GOLGA3: variants seen among roughly 807,000 people sequenced by gnomAD.
GOLGA3 encodes the protein golgin subfamily A member 3.
In GOLGA3, 75 loss-of-function variants were observed where a neutral mutation model predicts 169.4. The ratio of observed to expected loss-of-function variants is 0.44; its 90% CI spans 0.37 to 0.54. The LOEUF (loss-of-function observed/expected upper bound fraction) is 0.54, where lower values mean the gene tolerates loss of function less well. Among genes scored for constraint, GOLGA3 ranks in the 20% least tolerant of loss-of-function variants. The probability of loss-of-function intolerance (pLI) is 0.00; values close to 1 mark genes in which losing one functional copy is unlikely to be tolerated. For missense variants in GOLGA3, 1,899 were observed against 1,930.0 expected (o/e 0.98, Z 0.30); for synonymous variants, 824 against 822.4 (o/e 1.00, Z -0.03).
Position 132,782,269 on chromosome 12 carries a change from T to C in GOLGA3, c.3465+27A>G, listed in dbSNP as rs760966919. On this transcript the variant is annotated intron_variant, in intron 17 of 23. Coordinates refer to ENST00000450791, the MANE Select transcript of GOLGA3 (RefSeq NM_001389683.1). ...GCCCCACCAACTCTCACACCGTTGC[T>C]GGCGTGAGTTTGACGAGTTTGAATA... 114 of 1,568,308 alleles carry C rather than the reference T, an allele frequency of 7.3e-5. 1 individual carries two copies. In the Middle Eastern group the frequency reaches 5.2e-3, roughly 71 times the overall value.
At position 132,782,454 on chromosome 12, in the gene GOLGA3, G is replaced by A. The variant is rs1377285207; in HGVS notation, c.3307C>T (p.Leu1103Phe). The change falls in exon 17 of 24, where the codon CTT (leucine) becomes TTT (phenylalanine). Residue 1103 changes from leucine to phenylalanine, a missense_variant. Leu to Phe is a conservative substitution (Grantham distance 22). Transcript: ENST00000450791. ...SRGFRKKIKR[L>F]EESNKKLALE... The stretch of plus-strand genomic sequence containing the variant: ...GCCAACTTCTTGTTTGACTCCTCAA[G>A]GCGTTTTATCTTCTTCCTAAAGCCT... The A allele has an allele frequency of 6.2e-7, 1 of 1,614,004 alleles. No homozygotes were observed. The highest frequency in any genetic ancestry group is 1.3e-5 in the African/African-American group (1 of 74,924).
chr12:132,820,487 C>G (rs1206091267), intron 2 of GOLGA3, among the ~76,000 whole-genome samples: 1 of 152,188 alleles, frequency 6.6e-6, no homozygotes, highest in Non-Finnish European at 1.5e-5. Context: ...TCTTGGGCCT[C>G]TAAGTTGTTA....
rs552685526 is a variant in GOLGA3 at position 132,779,393 on chromosome 12, A to C, written c.3582+1405T>G. On this transcript the variant is annotated intron_variant, in intron 18 of 23. Coordinates refer to ENST00000450791, the MANE Select transcript of GOLGA3 (RefSeq NM_001389683.1). ...CGCGCCCAGCCACCTGCCACATCTTAAAATTAATTCTATTTATAAAGAAAC... is the reference window on the plus strand; with the variant it reads ...CGCGCCCAGCCACCTGCCACATCTTCAAATTAATTCTATTTATAAAGAAAC... Among the ~76,000 whole-genome samples, 18 of 152,328 alleles carry C rather than the reference A, an allele frequency of 1.2e-4. No homozygotes were observed. The East Asian group carries it at 3.5e-3, about 29-fold the overall frequency.
At chr12:132,785,184 G>A (rs371559697) in intron 15 of GOLGA3, among the ~76,000 whole-genome samples, 5 of 152,208 alleles carry the variant, frequency 3.3e-5, no homozygotes, top group East Asian at 1.9e-4. Flanking sequence ...ACAGCGTGGC[G>A]AGGGGCCAGC....
In GOLGA3 at chr12:132,782,415, G is replaced by T. The variant is rs771300671; in HGVS notation, c.3346C>A (p.His1116Asn). The T allele has an allele frequency of 1.1e-5, 18 of 1,613,836 alleles. No homozygotes were observed. Among genetic ancestry groups the T allele is most frequent in the Non-Finnish European group, 1.5e-5 (18 of 1,179,804 alleles). The change falls in exon 17 of 24, where the codon CAC becomes AAC. Residue 1116 changes from histidine (H) to asparagine (N), a missense_variant. By Grantham distance (68) the His-to-Asn change is moderately conservative (BLOSUM62 1). Transcript: ENST00000450791. ...SNKKLALELEHEKGKLTGLGQ... is the reference protein window; with the variant it reads ...SNKKLALELENEKGKLTGLGQ... ...AGGCCCGTAAGCTTCCCTTTCTCGT[G>T]CTCTAATTCAAGAGCCAACTTCTTG...
At chr12:132,785,899 T>C (rs541124636) in intron 15 of GOLGA3, among the ~76,000 whole-genome samples, 10 of 152,210 alleles carry the variant, frequency 6.6e-5, no homozygotes, top group African/African-American at 1.2e-4. Flanking sequence ...CACCGCAGCA[T>C]GGCTACCTCT....
chr12:132,784,847 C>T (rs2045815209), intron 15 of GOLGA3, among the ~76,000 whole-genome samples: 1 of 151,650 alleles, frequency 6.6e-6, no homozygotes, highest in African/African-American at 2.4e-5. Context: ...CACACATATG[C>T]TCACATCCCA....
intron 15 of GOLGA3, among the ~76,000 whole-genome samples, chr12:132,786,122 A>G (rs2045883246): frequency 6.6e-6 from 1 of 152,248 alleles, no homozygotes; most frequent in Admixed American, 6.5e-5. Context: ...TGAACGCCAC[A>G]GGCCACAGGC....
At chr12:132,785,914 G>A (rs1278254367) in intron 15 of GOLGA3, among the ~76,000 whole-genome samples, 4 of 152,150 alleles carry the variant, frequency 2.6e-5, no homozygotes, top group African/African-American at 7.2e-5. Flanking sequence ...ACCTCTAAAC[G>A]CTCCCTGAAC....
At position 132,786,929 on chromosome 12, in the gene GOLGA3, G is replaced by A; in HGVS notation, c.2812-142C>T. On this transcript the variant is annotated intron_variant, in intron 13 of 23. Transcript: ENST00000450791. Reference sequence around the variant, plus strand: ...TTGGGCCTTGAGAAAAATCCTGAGAGAGACGTCTGCCTTCTTACAAACCAC... The same window carrying A: ...TTGGGCCTTGAGAAAAATCCTGAGAAAGACGTCTGCCTTCTTACAAACCAC... 6.2e-6 allele frequency: 4 copies of A among 640,988 alleles called. No individual in the cohort carries two copies. The East Asian group carries it at 1.0e-4, about 17-fold the overall frequency. The allele number at this position is 640,988 out of a possible 1,614,324, so 39.7% of individuals were successfully genotyped here.
rs896171995 is a variant in GOLGA3, at chr12:132,771,177, A to G, written c.*1928T>C. On this transcript the variant is annotated 3_prime_UTR_variant, in exon 24 of 24. Transcript: ENST00000450791. Reference sequence around the variant, plus strand: ...GCTAGAGAATATTTTTTAAATACCAAACATCTTTGTGGTTAATGCTACCTT... The same window carrying G: ...GCTAGAGAATATTTTTTAAATACCAGACATCTTTGTGGTTAATGCTACCTT... The G allele has an allele frequency of 3.3e-5, 5 of 152,638 alleles. No homozygotes were observed. Among genetic ancestry groups the G allele is most frequent in the Admixed American group, 2.6e-4 (4 of 15,272 alleles). 9.5% of individuals were successfully genotyped at this position (152,638 alleles called of 1,614,324 possible).
chr12:132,818,081 ACCTCCACGCTCTAAGGTGAACCCCC>A lies in GOLGA3; in HGVS notation c.134-1294_134-1270del, dbSNP rs1422742991. On this transcript the variant is annotated intron_variant, in intron 2 of 23. Transcript: ENST00000450791. ...GCTCTAACGTGAACCCGCCCTCCAC[ACCTCCACGCTCTAAGGTGAACCCCC>A]CCTCCACTCCTCCATGCTCTAAGGT... 4.2e-4 allele frequency among the ~76,000 whole-genome samples: 49 copies of A among 117,236 alleles called. 1 individual carries two copies. The highest frequency in any genetic ancestry group is 1.6e-3 in the African/African-American group (47 of 29,362). 76.9% of individuals were successfully genotyped at this position (117,236 alleles called of 152,430 possible). A position where few individuals can be genotyped will look rare whatever the true frequency, so the allele number is the denominator to read the frequency against.
Position 132,822,122 on chromosome 12 carries a change from C to T in GOLGA3, c.7G>A (p.Gly3Ser), listed in dbSNP as rs567554430. Residue 3 changes from glycine (G) to serine (S), a missense_variant, in exon 2 of 24, where the codon GGC (glycine) becomes AGC (serine). By Grantham distance (56) the Gly-to-Ser change is moderately conservative. Transcript: ENST00000450791. Reference protein sequence around the residue: MDGASAEQDGLQE... With the variant: MDSASAEQDGLQE... ...AGGCCATCTTGCTCGGCCGACGCGC[C>T]GTCCATGGTCAGGACGACACCAGCT... 28 of 1,604,456 alleles carry T rather than the reference C, an allele frequency of 1.7e-5. 1 individual carries two copies. In the South Asian group the frequency reaches 2.5e-4, roughly 15 times the overall value.
rs543390783 is a variant in GOLGA3, at chr12:132,769,551, C to G, written c.*3554G>C. 2.6e-5 allele frequency: 4 copies of G among 152,204 alleles called. No homozygotes were observed. The highest frequency in any genetic ancestry group is 9.7e-5 in the African/African-American group (4 of 41,446). 9.4% of individuals were successfully genotyped at this position (152,204 alleles called of 1,614,324 possible). A position where few individuals can be genotyped will look rare whatever the true frequency, so the allele number is the denominator to read the frequency against. Reference sequence around the variant, plus strand: ...CAGAGAGTGGGAACGGGTGTGAGTCCGTAAGACCCGTAGCATCAATCTCAC... The same window carrying G: ...CAGAGAGTGGGAACGGGTGTGAGTCGGTAAGACCCGTAGCATCAATCTCAC... On this transcript the variant is annotated 3_prime_UTR_variant, in exon 24 of 24. Transcript: ENST00000450791.
chr12:132,821,936 C>CATCCTCCCTCAACACCAG, intron 2 of GOLGA3, 60 bp downstream of exon 2: 1 of 1,088,062 alleles, frequency 9.2e-7, no homozygotes. Flanking sequence ...CTCAACACCA[C>CATCCTCCCTCAACACCAG]GTCCTCCCTC....
intron 16 of GOLGA3, among the ~76,000 whole-genome samples, chr12:132,783,032 C>T (rs1004008243): frequency 6.6e-6 from 1 of 152,130 alleles, no homozygotes; most frequent in African/African-American, 2.4e-5. Context: ...CCTGTCTCTA[C>T]CAAAACTACA....
rs767388015 is a variant in GOLGA3 at position 132,789,332 on chromosome 12, G to C, written c.2548-42C>G. ...CTGTGAGCGGACGCTGGGCGGCGGGGCGTGGGGGGCGTACCTGGGGGTCAA... is the reference window on the plus strand; with the variant it reads ...CTGTGAGCGGACGCTGGGCGGCGGGCCGTGGGGGGCGTACCTGGGGGTCAA... On this transcript the variant is annotated intron_variant, in intron 12 of 23. Transcript: ENST00000450791. The C allele has an allele frequency of 3.9e-4, 582 of 1,507,124 alleles. 2 individuals carry two copies. Among genetic ancestry groups the C allele is most frequent in the Non-Finnish European group, 1.1e-4 (128 of 1,130,354 alleles). 93.4% of individuals were successfully genotyped at this position (1,507,124 alleles called of 1,614,324 possible). A position where few individuals can be genotyped will look rare whatever the true frequency, so the allele number is the denominator to read the frequency against.
intron 5 of GOLGA3, among the ~76,000 whole-genome samples, chr12:132,807,503 C>T (rs906870593): frequency 2.0e-5 from 3 of 152,336 alleles, no homozygotes; most frequent in Non-Finnish European, 1.5e-5. Context: ...GTTACAGAAA[C>T]ATGAGACATG....
Position 132,773,059 on chromosome 12 carries a change from TAA to T in GOLGA3, c.*44_*45del, listed in dbSNP as rs1566061004. The T allele has an allele frequency of 7.7e-7, 1 of 1,298,736 alleles. No individual in the cohort carries two copies. The highest frequency in any genetic ancestry group is 2.7e-5 in the East Asian group (1 of 36,618). The allele number at this position is 1,298,736 out of a possible 1,614,324, so 80.5% of individuals were successfully genotyped here. A position where few individuals can be genotyped will look rare whatever the true frequency, so the allele number is the denominator to read the frequency against. Reference sequence around the variant, plus strand: ...CACACAATCAAATAAATAACATTGATAAGAGCCTTCTGGGGCAGCGGCGCACG... The same window carrying T: ...CACACAATCAAATAAATAACATTGATGAGCCTTCTGGGGCAGCGGCGCACG... On this transcript the variant is annotated 3_prime_UTR_variant, in exon 24 of 24. Transcript: ENST00000450791.
Sources: gnomAD v4.1 joint callset for allele counts (sites outside exome capture counted in the v4.1 genomes callset) on GRCh38, gnomAD v4.1.1 for gene constraint, MANE v1.5 for transcripts, NCBI Gene and HGNC (gene_info 2026-07-23, HGNC 2026-07-21) for gene names.